The following DMD variants were observed in gnomAD, a reference collection of about 807,000 sequenced individuals.
DMD encodes the protein dystrophin, also known as mutant dystrophin.
DMD carries 63 observed loss-of-function variants against 330.1 expected under a neutral mutation model. That is an observed-to-expected ratio of 0.19 (90% CI 0.16 to 0.24). DMD has a LOEUF of 0.24. Ranked by LOEUF, DMD falls within the 10% of genes least tolerant of loss-of-function variation. DMD has a pLI of 1.00. For synonymous variants in DMD, 1,223 were observed against 959.8 expected (o/e 1.27, Z -5.07); for missense variants, 3,344 against 2,684.1 (o/e 1.25, Z -5.43).
intron 2 of DMD, among the ~76,000 whole-genome samples, chrX:32,879,036 CAA>C (rs1285039476): frequency 1.1e-5 from 1 of 90,544 alleles, no homozygotes. Flanking sequence ...AAAAAACAAA[CAA>C]AAAAAAAACA....
chrX:32,679,272 TC>T (rs753219635), intron 9 of DMD, among the ~76,000 whole-genome samples: 1 of 110,088 alleles, frequency 9.1e-6, no homozygotes, highest in East Asian at 2.8e-4. Context: ...AGAATAAAGA[TC>T]AGAACAAAAG....
chrX:32,207,262 C>A (rs1280050280), intron 44 of DMD, among the ~76,000 whole-genome samples: 1 of 110,554 alleles, frequency 9.0e-6, no homozygotes, highest in African/African-American at 3.3e-5. Context: ...AGGGCTCCAC[C>A]CTCACGAGTG....
chrX:31,374,376 C>T lies in DMD; in HGVS notation c.9085-25742G>A, dbSNP rs186352187. Among the ~76,000 whole-genome samples, 1,057 of 107,877 alleles carry T rather than the reference C, an allele frequency of 9.8e-3. 14 individuals carry two copies. The highest frequency in any genetic ancestry group is 0.033 in the African/African-American group (958 of 29,396). 93.7% of individuals were successfully genotyped at this position (107,877 alleles called of 115,157 possible). A position where few individuals can be genotyped will look rare whatever the true frequency, so the allele number is the denominator to read the frequency against. ...TGCTATAAAGACACATGCACACGTACGTTTATTGTGGCACTATTCACAACA... is the reference window on the plus strand; with the variant it reads ...TGCTATAAAGACACATGCACACGTATGTTTATTGTGGCACTATTCACAACA... On this transcript the variant is annotated intron_variant, in intron 60 of 78. Coordinates refer to ENST00000357033, the MANE Select transcript of DMD (RefSeq NM_004006.3).
chrX:31,137,065 C>G (rs2035332531), intron 76 of DMD, among the ~76,000 whole-genome samples: 1 of 111,306 alleles, frequency 9.0e-6, no homozygotes, highest in Admixed American at 9.5e-5. Context: ...GTCACCCAGG[C>G]TGGAGTGCAG....
At chrX:32,233,781 C>T (rs981715525) in intron 43 of DMD, among the ~76,000 whole-genome samples, 13 of 108,847 alleles carry the variant, frequency 1.2e-4, no homozygotes, top group African/African-American at 4.0e-4. Flanking sequence ...TACAGGCATG[C>T]GCCACCATGC....
rs1557274534 is a variant in DMD at position 33,139,883 on chromosome X, A to AAT, written c.31+71398_31+71399insAT. Among the ~76,000 whole-genome samples the AAT allele has an allele frequency of 6.6e-5, 7 of 106,616 alleles. No individual in the cohort carries two copies. The South Asian group carries it at 1.6e-3, about 25-fold the overall frequency. The allele number at this position is 106,616 out of a possible 115,157, so 92.6% of individuals were successfully genotyped here. ...GCCCCATCGCTAAAAAAAAAAAAAA[A>AAT]AAAAAAAAAAAAATGTCTAATCAAA... On this transcript the variant is annotated intron_variant, in intron 1 of 78. Coordinates refer to ENST00000357033, the MANE Select transcript of DMD (RefSeq NM_004006.3).
intron 54 of DMD, among the ~76,000 whole-genome samples, chrX:31,631,914 C>G (rs1157047805): frequency 9.0e-6 from 1 of 111,422 alleles, no homozygotes; most frequent in Non-Finnish European, 1.9e-5. Flanking sequence ...CAGTTACAAG[C>G]AAGAATCTAC....
intron 7 of DMD, among the ~76,000 whole-genome samples, chrX:32,737,719 C>T (rs906921617): frequency 9.0e-6 from 1 of 111,584 alleles, no homozygotes; most frequent in Non-Finnish European, 1.9e-5. Flanking sequence ...AGGCCAGGCC[C>T]ACAGCTCCTT....
chrX:33,042,252 A>G (rs2094314089), intron 1 of DMD, among the ~76,000 whole-genome samples: 1 of 112,140 alleles, frequency 8.9e-6, no homozygotes, highest in Non-Finnish European at 1.9e-5. Context: ...ACTGTGAGGC[A>G]TATTCCCTTC....
chrX:31,607,932 T>C (rs2077695856), intron 55 of DMD, among the ~76,000 whole-genome samples: 1 of 112,391 alleles, frequency 8.9e-6, no homozygotes, highest in African/African-American at 3.2e-5. Context: ...TTGTTTTGAG[T>C]ACTATAGCTT....
At chrX:31,585,199 T>G (rs930843849) in intron 55 of DMD, among the ~76,000 whole-genome samples, 7 of 107,506 alleles carry the variant, frequency 6.5e-5, no homozygotes, top group African/African-American at 2.4e-4. Flanking sequence ...GGCACTTGCC[T>G]GTAGTCTCTG....
intron 7 of DMD, among the ~76,000 whole-genome samples, chrX:32,728,856 T>G (rs755068425): frequency 8.9e-6 from 1 of 112,097 alleles, no homozygotes; most frequent in Admixed American, 9.5e-5. Flanking sequence ...GGCCTGACGT[T>G]GGCCATAGCC....
intron 55 of DMD, among the ~76,000 whole-genome samples, chrX:31,618,091 A>G (rs1211087729): frequency 9.0e-6 from 1 of 111,054 alleles, no homozygotes; most frequent in Non-Finnish European, 1.9e-5. Flanking sequence ...GGGTGGGAGG[A>G]TGGTGAAGAC....
chrX:32,617,167 G>A (rs141744854), intron 11 of DMD, among the ~76,000 whole-genome samples: 1,547 of 110,133 alleles, frequency 0.014, 24 homozygotes, highest in African/African-American at 0.049. Context: ...AGAAAACTAT[G>A]GGCATTTGCC....
intron 5 of DMD, among the ~76,000 whole-genome samples, chrX:32,819,849 A>T (rs1299405461): frequency 3.0e-5 from 2 of 67,300 alleles, no homozygotes; most frequent in African/African-American, 1.1e-4. Context: ...ATGTTGGTGT[A>T]AAAAAAAAAA....
chrX:32,333,879 AGAT>A (rs1441070512), intron 41 of DMD, among the ~76,000 whole-genome samples: 2 of 111,968 alleles, frequency 1.8e-5, no homozygotes, highest in African/African-American at 6.5e-5. Context: ...GTTTCACGTA[AGAT>A]GATTTGATCA....
chrX:32,542,628 T>C lies in DMD; in HGVS notation c.2168+2531A>G, dbSNP rs144784040. ...AAGACCTCAATATTCAGTGAAATAT[T>C]AGTGGGCTTCAGATGATACAAAAAC... On this transcript the variant is annotated intron_variant, in intron 17 of 78. Transcript: ENST00000357033. Among the ~76,000 whole-genome samples the C allele has an allele frequency of 2.9e-4, 32 of 112,034 alleles. No individual in the cohort carries two copies. The East Asian group carries it at 9.0e-3, about 32-fold the overall frequency.
chrX:32,370,186 C>A (rs1031938118), intron 34 of DMD, among the ~76,000 whole-genome samples: 6 of 105,973 alleles, frequency 5.7e-5, no homozygotes, highest in East Asian at 5.9e-4. Flanking sequence ...TGAGATGTAA[C>A]ATACAATTAA....
At chrX:32,848,784 A>G (rs749848260) in intron 3 of DMD, among the ~76,000 whole-genome samples, 1 of 111,579 alleles carries the variant, frequency 9.0e-6, no homozygotes, top group Admixed American at 9.6e-5. Flanking sequence ...TTTCTGGCAG[A>G]CAGTTGGGGT....
Sources: gnomAD v4.1 joint callset for allele counts (sites outside exome capture counted in the v4.1 genomes callset) on GRCh38, gnomAD v4.1.1 for gene constraint, MANE v1.5 for transcripts, NCBI Gene and HGNC (gene_info 2026-07-23, HGNC 2026-07-21) for gene names.